The following UGT3A2 variants were observed in gnomAD, a reference collection of about 807,000 sequenced individuals.
UGT3A2 encodes the protein UDP-glycosyltransferase 3A2.
UGT3A2 carries 32 observed loss-of-function variants against 39.8 expected under a neutral mutation model. The ratio of observed to expected loss-of-function variants is 0.80; its 90% confidence interval spans 0.61 to 1.08. UGT3A2 has a LOEUF of 1.08. Among genes scored for constraint, UGT3A2 ranks in the 50% least tolerant of loss-of-function variants. The pLI is 0.00. For synonymous variants in UGT3A2, 241 were observed against 230.7 expected (o/e 1.04, Z -0.40); for missense variants, 611 against 637.1 (o/e 0.96, Z 0.44).
intron 4 of UGT3A2, among the ~76,000 whole-genome samples, chr5:36,048,542 G>A (rs1742238116): frequency 6.6e-6 from 1 of 152,134 alleles, no homozygotes; most frequent in African/African-American, 2.4e-5. Flanking sequence ...TGCATGTAAT[G>A]GGCACTAACT....
At position 36,057,624 on chromosome 5, in the gene UGT3A2, C is replaced by T. The variant is rs1035417598; in HGVS notation, c.197-5640G>A. On this transcript the variant is annotated intron_variant, in intron 2 of 6. Transcript: ENST00000282507. Reference sequence around the variant, plus strand: ...GATAATGGCTCACTGCAGCTTCAGCCTCCAGGGCTCACACAATCCTCCTGC... The same window carrying T: ...GATAATGGCTCACTGCAGCTTCAGCTTCCAGGGCTCACACAATCCTCCTGC... Among the ~76,000 whole-genome samples, 5 of 151,974 alleles carry T rather than the reference C, an allele frequency of 3.3e-5. No individual in the cohort carries two copies. In the East Asian group the frequency reaches 5.8e-4, roughly 18 times the overall value.
At position 36,066,819 on chromosome 5, in the gene UGT3A2, G is replaced by C; in HGVS notation, c.-30C>G. The C allele has an allele frequency of 6.2e-7, 1 of 1,613,808 alleles. No individual in the cohort carries two copies. The highest frequency in any genetic ancestry group is 8.5e-7 in the Non-Finnish European group (1 of 1,179,680). ...ACTTCTACGGAAGCCGCGGATCTCA[G>C]CCTGGGCTGCGCGCCCTGCGCCCGG... On this transcript the variant is annotated 5_prime_UTR_variant, in exon 1 of 7. Transcript: ENST00000282507.
At chr5:36,041,016 T>C (rs532370943) in intron 4 of UGT3A2, among the ~76,000 whole-genome samples, 1 of 152,314 alleles carries the variant, frequency 6.6e-6, no homozygotes, top group South Asian at 2.1e-4. Context: ...AGGCCTTAGC[T>C]CCTGGACAAC....
At chr5:36,060,651 T>G (rs1742664423) in intron 2 of UGT3A2, among the ~76,000 whole-genome samples, 2 of 152,184 alleles carry the variant, frequency 1.3e-5, no homozygotes. Context: ...ATTTTTACGT[T>G]CGTCATCCTT....
intron 2 of UGT3A2, among the ~76,000 whole-genome samples, chr5:36,061,923 G>A (rs956529397): frequency 6.0e-5 from 9 of 150,110 alleles, no homozygotes; most frequent in African/African-American, 1.5e-4. Context: ...ACTTTTTAAT[G>A]ATTGCCATTC....
At chr5:36,066,533 C>T (rs531640904) in intron 1 of UGT3A2, among the ~76,000 whole-genome samples, 163 bp downstream of exon 1, 1 of 152,362 alleles carries the variant, frequency 6.6e-6, no homozygotes, top group Non-Finnish European at 1.5e-5. Context: ...AGAGGCCCCT[C>T]TCTGCCCCAC....
chr5:36,057,703 T>C (rs1742558670), intron 2 of UGT3A2, among the ~76,000 whole-genome samples: 1 of 151,974 alleles, frequency 6.6e-6, no homozygotes, highest in South Asian at 2.1e-4. Flanking sequence ...GCCCAGCTAA[T>C]GTTTTATTTT....
At chr5:36,049,822 T>A (rs1742284818) in intron 3 of UGT3A2, among the ~76,000 whole-genome samples, 2 of 152,230 alleles carry the variant, frequency 1.3e-5, no homozygotes. Context: ...CCAAATTGTG[T>A]AAGTAACTTG....
intron 2 of UGT3A2, among the ~76,000 whole-genome samples, chr5:36,058,618 C>G (rs1742586322): frequency 6.6e-6 from 1 of 152,082 alleles, no homozygotes; most frequent in African/African-American, 2.4e-5. Flanking sequence ...AGCAGCTGAC[C>G]AATCGTTACC....
At position 36,035,619 on chromosome 5, in the gene UGT3A2, G is replaced by C. The variant is rs1005135709; in HGVS notation, c.*79C>G. 6.5e-7 allele frequency: 1 copy of C among 1,542,692 alleles called. No homozygotes were observed. Among genetic ancestry groups the C allele is most frequent in the South Asian group, 1.3e-5 (1 of 79,978 alleles). On this transcript the variant is annotated 3_prime_UTR_variant, in exon 7 of 7. Coordinates refer to ENST00000282507, the MANE Select transcript of UGT3A2 (RefSeq NM_174914.4). The stretch of plus-strand genomic sequence containing the variant: ...ATAACTAGAAGGACTAGAGAATGGG[G>C]CTGCCAGAACTAGTGGGAAGCTCCC...
At chr5:36,064,947 C>CAATT (rs1742832901) in intron 1 of UGT3A2, among the ~76,000 whole-genome samples, 1 of 152,142 alleles carries the variant, frequency 6.6e-6, no homozygotes, top group Non-Finnish European at 1.5e-5. Context: ...ATTTAGGCCA[C>CAATT]ACAATGATCA....
chr5:36,060,777 TC>T (rs1273447990), intron 2 of UGT3A2, among the ~76,000 whole-genome samples: 1 of 152,178 alleles, frequency 6.6e-6, no homozygotes, highest in Non-Finnish European at 1.5e-5. Context: ...TAAGTAGAGT[TC>T]CACTTCACGA....
chr5:36,066,606 A>G, intron 1 of UGT3A2, 90 bp downstream of exon 1: 4 of 1,595,438 alleles, frequency 2.5e-6, no homozygotes, highest in Non-Finnish European at 3.4e-6. Context: ...AATCACGTGG[A>G]TGACTCTGAT....
At chr5:36,037,557 A>G (rs1481842289) in intron 6 of UGT3A2, among the ~76,000 whole-genome samples, 1 of 152,164 alleles carries the variant, frequency 6.6e-6, no homozygotes, top group African/African-American at 2.4e-5. Context: ...TACATAGTCC[A>G]GGTTCCCCAA....
In UGT3A2 at chr5:36,039,424, A is replaced by G. The variant is rs927261948; in HGVS notation, c.1075+53T>C. On this transcript the variant is annotated intron_variant, in intron 5 of 6. Transcript: ENST00000282507. ...CCAGCTAAAGGTCAGAGCCGTGATG[A>G]GCCCCAAAGACAGGTCAGTGGAAGG... is the stretch of plus-strand genomic sequence containing the variant. The G allele has an allele frequency of 3.2e-6, 5 of 1,539,480 alleles. No homozygotes were observed. In the African/African-American group the frequency reaches 4.1e-5, roughly 13 times the overall value.
chr5:36,057,498 G>A (rs1257500404), intron 2 of UGT3A2, among the ~76,000 whole-genome samples: 1 of 151,072 alleles, frequency 6.6e-6, no homozygotes, highest in African/African-American at 2.4e-5. Context: ...AGAGTAAAAG[G>A]TCTGTAGCTT....
chr5:36,046,981 A>G (rs1742187156), intron 4 of UGT3A2, among the ~76,000 whole-genome samples: 1 of 152,218 alleles, frequency 6.6e-6, no homozygotes, highest in Non-Finnish European at 1.5e-5. Flanking sequence ...TGCATCAGGC[A>G]AAACTTCCTC....
intron 4 of UGT3A2, among the ~76,000 whole-genome samples, chr5:36,046,657 T>G (rs909964558): frequency 6.6e-6 from 1 of 152,070 alleles, no homozygotes; most frequent in East Asian, 1.9e-4. Flanking sequence ...GGTACGAAAA[T>G]ATAGTTAGAA....
chr5:36,045,044 G>C (rs930705624), intron 4 of UGT3A2, among the ~76,000 whole-genome samples: 2 of 151,944 alleles, frequency 1.3e-5, no homozygotes, highest in Non-Finnish European at 2.9e-5. Flanking sequence ...CAAGCAAAAA[G>C]AACAAAACTG....
Sources: gnomAD v4.1 joint callset for allele counts (sites outside exome capture counted in the v4.1 genomes callset) on GRCh38, gnomAD v4.1.1 for gene constraint, MANE v1.5 for transcripts, NCBI Gene and HGNC (gene_info 2026-07-23, HGNC 2026-07-21) for gene names.